ATP13A3: variants seen among roughly 807,000 people sequenced by gnomAD.
ATP13A3 encodes polyamine-transporting ATPase 13A3.
A neutral mutation model predicts 158.1 loss-of-function variants in ATP13A3; 59 were observed. The ratio of observed to expected loss-of-function variants is 0.37; its 90% confidence interval spans 0.30 to 0.46. ATP13A3 has a LOEUF of 0.46. Ranked by LOEUF, ATP13A3 falls within the 20% of genes least tolerant of loss-of-function variation. The pLI is 1.00. For synonymous variants in ATP13A3, 491 were observed against 504.3 expected (o/e 0.97, Z 0.35); for missense variants, 1,166 against 1,525.2 (o/e 0.76, Z 3.92).
At chr3:194,417,958 C>CGGACGGAAGGAAGGAA (rs1553795805) in intron 31 of ATP13A3, among the ~76,000 whole-genome samples, 1 of 76,888 alleles carries the variant, frequency 1.3e-5, no homozygotes, top group East Asian at 4.8e-4. Context: ...GACGGACGGA[C>CGGACGGAAGGAAGGAA]GGAAGGAAGG....
At chr3:194,417,924 G>A (rs1447783382) in intron 31 of ATP13A3, among the ~76,000 whole-genome samples, 1 of 143,058 alleles carries the variant, frequency 7.0e-6, no homozygotes, top group Non-Finnish European at 1.5e-5. Context: ...TCATACCACT[G>A]CACTGCAGCG....
rs1422760629 is a variant in ATP13A3 at position 194,459,914 on chromosome 3, GGTAA to G, written c.279_282del (p.Tyr94GlnfsTer20). ...GACATAGATTTTGGACTTGAAACTG[GGTAA>G]GTTTCCAAAGAAAGAACGCGAATTT... On this transcript the variant is annotated frameshift_variant, in exon 5 of 34. Transcript: ENST00000645319. LOFTEE classifies it high-confidence loss of function. The G allele has an allele frequency of 6.2e-7, 1 of 1,612,706 alleles. No homozygotes were observed.
chr3:194,467,182 G>A (rs915330061), intron 2 of ATP13A3, among the ~76,000 whole-genome samples: 14 of 152,282 alleles, frequency 9.2e-5, no homozygotes, highest in African/African-American at 1.9e-4. Context: ...AGGAACTGCC[G>A]TTAAAATCCA....
In ATP13A3 at chr3:194,405,381, G is replaced by A. The variant is rs1474514704; in HGVS notation, c.*538C>T. 1 of 153,824 alleles carries A rather than the reference G, an allele frequency of 6.5e-6. No homozygotes were observed. Among genetic ancestry groups the A allele is most frequent in the Non-Finnish European group, 1.4e-5 (1 of 69,184 alleles). The allele number at this position is 153,824 out of a possible 1,614,324, so 9.5% of individuals were successfully genotyped here. A position where few individuals can be genotyped will look rare whatever the true frequency, so the allele number is the denominator to read the frequency against. On this transcript the variant is annotated 3_prime_UTR_variant, in exon 34 of 34. Transcript: ENST00000645319. ...ATTCCTAACTCTAGACCATCATAGG[G>A]AATTGGCATATGTTTATACAGAATT...
chr3:194,429,485 C>T (rs1339101979), intron 27 of ATP13A3, among the ~76,000 whole-genome samples, 193 bp downstream of exon 27: 1 of 152,208 alleles, frequency 6.6e-6, no homozygotes, highest in Non-Finnish European at 1.5e-5. Flanking sequence ...CAACAAACCA[C>T]TGTTGAAACA....
At chr3:194,450,864 C>T (rs1389944465) in intron 10 of ATP13A3, 9 of 151,902 alleles carry the variant, frequency 5.9e-5, no homozygotes, top group African/African-American at 1.9e-4. Context: ...CTCATTATTT[C>T]CTTACAAATT....
chr3:194,454,299 A>T lies in ATP13A3; in HGVS notation c.724T>A (p.Ser242Thr), dbSNP rs1461622862. Residue 242 changes from serine to threonine, a missense_variant, in exon 9 of 34, where the codon TCC becomes ACC. This residue lies in a region of ATP13A3 where 997 missense variants were observed against 1,341.2 expected (regional missense o/e 0.74). Transcript: ENST00000645319. ...AGTGAGCTTACGATTGATACTATGG[A>T]CATAACCACAATAGCTAGAGCATAG... Reference protein sequence around the residue: ...YYYALAIVVMSIVSIVSSLYS... With the variant: ...YYYALAIVVMTIVSIVSSLYS... The T allele has an allele frequency of 6.2e-7, 1 of 1,608,172 alleles. No individual in the cohort carries two copies. Among genetic ancestry groups the T allele is most frequent in the African/African-American group, 1.3e-5 (1 of 74,928 alleles).
At chr3:194,414,573 C>T (rs143121997) in intron 31 of ATP13A3, among the ~76,000 whole-genome samples, 1 of 152,006 alleles carries the variant, frequency 6.6e-6, no homozygotes, top group African/African-American at 2.4e-5. Context: ...TAAGTGTTCA[C>T]TTTAAAATCT....
At chr3:194,449,487 C>A (rs1718652454) in intron 11 of ATP13A3, among the ~76,000 whole-genome samples, 1 of 152,140 alleles carries the variant, frequency 6.6e-6, no homozygotes, top group South Asian at 2.1e-4. Flanking sequence ...CACGACCAGC[C>A]TGGCCAACGT....
chr3:194,477,931 T>C (rs1043674407), intron 2 of ATP13A3, among the ~76,000 whole-genome samples: 1 of 152,172 alleles, frequency 6.6e-6, no homozygotes, highest in Non-Finnish European at 1.5e-5. Context: ...TTGAGACCAC[T>C]TATGGTTAAT....
intron 2 of ATP13A3, among the ~76,000 whole-genome samples, chr3:194,470,457 A>C (rs1720251464): frequency 6.6e-6 from 1 of 152,190 alleles, no homozygotes; most frequent in African/African-American, 2.4e-5. Flanking sequence ...TATTTAAAAA[A>C]CAAAATCAAC....
chr3:194,451,378 G>C (rs769911637), intron 10 of ATP13A3: 1 of 152,134 alleles, frequency 6.6e-6, no homozygotes, highest in Non-Finnish European at 1.5e-5. Flanking sequence ...AATACCACTT[G>C]AAGTTCTACT....
chr3:194,418,496 G>A (rs1160294282), intron 31 of ATP13A3, among the ~76,000 whole-genome samples: 1 of 151,736 alleles, frequency 6.6e-6, no homozygotes, highest in African/African-American at 2.4e-5. Flanking sequence ...CAACATCCTA[G>A]AAAAAATTGG....
intron 2 of ATP13A3, 66 bp from the exon 3 acceptor site, chr3:194,462,302 T>C: frequency 9.3e-7 from 1 of 1,072,230 alleles, no homozygotes; most frequent in Non-Finnish European, 1.4e-6. Flanking sequence ...TACAACTGCA[T>C]TCTATCAACT....
At chr3:194,430,422 G>A (rs1417881811) in intron 24 of ATP13A3, 107 bp from the exon 25 acceptor site, 2 of 1,212,062 alleles carry the variant, frequency 1.7e-6, no homozygotes, top group East Asian at 5.1e-5. Flanking sequence ...AACACACCAA[G>A]ATTCCCCCAG....
At chr3:194,432,198 G>T (rs892745814) in intron 21 of ATP13A3, among the ~76,000 whole-genome samples, 1 of 152,200 alleles carries the variant, frequency 6.6e-6, no homozygotes, top group African/African-American at 2.4e-5. Context: ...CTGGCACGGT[G>T]CTACACACAG....
Position 194,431,117 on chromosome 3 carries a change from T to C in ATP13A3, c.2531A>G (p.Asp844Gly). Residue 844 changes from aspartate to glycine, a missense_variant, in exon 23 of 34, where the codon GAC becomes GGC. Transcript: ENST00000645319. ...SFSVILEHFQ[D>G]LVPKLMLHGT... is the part of the protein sequence containing the mutation. ...CAAATTACTTACCTTAGGAACAAGG[T>C]CTTGAAAATGCTCCAGTATCACTGA... 6.2e-7 allele frequency: 1 copy of C among 1,613,902 alleles called. No homozygotes were observed.
Position 194,462,015 on chromosome 3 carries a change from G to A in ATP13A3, c.51+125C>T, listed in dbSNP as rs115265035. On this transcript the variant is annotated intron_variant, in intron 3 of 33. Transcript: ENST00000645319. ...TCCCAATTCAAAAGCACAGGATGAA[G>A]AAAGAAGCCCATTGAGTTAGCTGCT... 202 of 833,682 alleles carry A rather than the reference G, an allele frequency of 2.4e-4. 2 individuals carry two copies. The African/African-American group carries it at 3.1e-3, about 13-fold the overall frequency. 51.6% of individuals were successfully genotyped at this position (833,682 alleles called of 1,614,324 possible).
Position 194,431,977 on chromosome 3 carries a change from A to C in ATP13A3, c.2246-85T>G, listed in dbSNP as rs1717256954. 16 of 1,134,192 alleles carry C rather than the reference A, an allele frequency of 1.4e-5. No homozygotes were observed. In the East Asian group the frequency reaches 4.7e-4, roughly 33 times the overall value. 70.3% of individuals were successfully genotyped at this position (1,134,192 alleles called of 1,614,324 possible). ...CATGTACTTGCTGAGAATCTACTACAGTCTCCATGACTGGGCTGGCAGAGT... is the reference window on the plus strand; with the variant it reads ...CATGTACTTGCTGAGAATCTACTACCGTCTCCATGACTGGGCTGGCAGAGT... On this transcript the variant is annotated intron_variant, in intron 21 of 33. Transcript: ENST00000645319.
Sources: allele counts gnomAD v4.1 joint callset (sites outside exome capture counted in the v4.1 genomes callset), GRCh38; gene constraint gnomAD v4.1.1; regional missense constraint gnomAD v4.1.1; transcripts MANE v1.5; gene names NCBI Gene and HGNC (gene_info 2026-07-23, HGNC 2026-07-21).